The following ZNF385D variants were observed in gnomAD, a reference collection of about 807,000 sequenced individuals.
ZNF385D encodes zinc finger protein 385D, also known as zinc finger protein 659.
A neutral mutation model predicts 35.8 loss-of-function variants in ZNF385D; 15 were observed. The observed-to-expected ratio is 0.42, with a 90% CI of 0.28 to 0.64. The LOEUF (loss-of-function observed/expected upper bound fraction) is 0.64. Ranked by LOEUF, ZNF385D falls within the 30% of genes least tolerant of loss-of-function variation. The probability of loss-of-function intolerance (pLI) is 0.23; values close to 1 mark genes in which losing one functional copy is unlikely to be tolerated. For synonymous variants in ZNF385D, 212 were observed against 186.8 expected, an observed-to-expected ratio of 1.13 and a Z score of -1.10; for missense variants, 474 against 494.6, an observed-to-expected ratio of 0.96 and a Z score of 0.39.
intron 2 of ZNF385D, among the ~76,000 whole-genome samples, chr3:22,194,593 T>G (rs1696279718): frequency 6.6e-6 from 1 of 151,948 alleles, no homozygotes; most frequent in African/African-American, 2.4e-5. Context: ...TAAATTTGTG[T>G]AATCACCAAT....
intron 3 of ZNF385D, among the ~76,000 whole-genome samples, chr3:22,060,724 G>T (rs1183445898): frequency 1.3e-5 from 2 of 151,966 alleles, no homozygotes; most frequent in African/African-American, 2.4e-5. Context: ...ATATAATATA[G>T]ATTATTATTG....
chr3:21,954,169 C>T (rs957203502), intron 3 of ZNF385D, among the ~76,000 whole-genome samples: 2 of 151,754 alleles, frequency 1.3e-5, no homozygotes, highest in Admixed American at 6.6e-5. Context: ...GATTGCTTTG[C>T]TGTGTTAATA....
At chr3:22,309,912 G>A (rs1703444669) in intron 2 of ZNF385D, among the ~76,000 whole-genome samples, 1 of 151,934 alleles carries the variant, frequency 6.6e-6, no homozygotes, top group Non-Finnish European at 1.5e-5. Context: ...GACATTATAA[G>A]AGCCAAAGTA....
intron 3 of ZNF385D, among the ~76,000 whole-genome samples, chr3:21,996,549 T>C (rs191851862): frequency 6.6e-6 from 1 of 152,186 alleles, no homozygotes; most frequent in Non-Finnish European, 1.5e-5. Context: ...CATATTTTGA[T>C]AGAATAATCT....
intron 1 of ZNF385D, among the ~76,000 whole-genome samples, chr3:21,744,869 AAT>A (rs1170354809): frequency 6.7e-6 from 1 of 149,844 alleles, no homozygotes; most frequent in East Asian, 1.9e-4. Context: ...AAAAAATAAT[AAT>A]AAAAAAAGCT....
chr3:21,650,983 G>A (rs1439931849), intron 2 of ZNF385D, among the ~76,000 whole-genome samples: 2 of 151,916 alleles, frequency 1.3e-5, no homozygotes, highest in Non-Finnish European at 2.9e-5. Context: ...ACAATTTGAA[G>A]TCTTAAGAAA....
intron 3 of ZNF385D, among the ~76,000 whole-genome samples, chr3:22,142,999 C>A (rs1704610375): frequency 6.7e-6 from 1 of 150,140 alleles, no homozygotes. Flanking sequence ...CCTCTGGGGT[C>A]ATGAATGACA....
intron 3 of ZNF385D, among the ~76,000 whole-genome samples, chr3:21,537,491 C>G (rs1033994611): frequency 3.9e-5 from 6 of 152,066 alleles, no homozygotes; most frequent in African/African-American, 1.4e-4. Context: ...TAGTACAACC[C>G]TGTCTTACTC....
At position 21,559,893 on chromosome 3, in the gene ZNF385D, G is replaced by T. The variant is rs148869553; in HGVS notation, c.276+4681C>A. Among the ~76,000 whole-genome samples the T allele has an allele frequency of 4.1e-3, 627 of 151,792 alleles. 9 individuals carry two copies. The highest frequency in any genetic ancestry group is 0.014 in the African/African-American group (599 of 41,450). On this transcript the variant is annotated intron_variant, in intron 3 of 7. Coordinates refer to ENST00000281523, the MANE Select transcript of ZNF385D (RefSeq NM_024697.3). ...CTTTTTTCTCTAATCTTGTCTTCACGCTGTATTTAAGTTGATCTTCAAGCT... is the reference window on the plus strand; with the variant it reads ...CTTTTTTCTCTAATCTTGTCTTCACTCTGTATTTAAGTTGATCTTCAAGCT...
At chr3:21,714,193 T>A (rs1263535740) in intron 1 of ZNF385D, among the ~76,000 whole-genome samples, 1 of 126,020 alleles carries the variant, frequency 7.9e-6, no homozygotes, top group African/African-American at 3.4e-5. Flanking sequence ...CCCATGGTCA[T>A]TAACAGTAAG....
At chr3:21,910,329 G>A (rs897313347) in intron 3 of ZNF385D, among the ~76,000 whole-genome samples, 1 of 151,888 alleles carries the variant, frequency 6.6e-6, no homozygotes, top group Admixed American at 6.6e-5. Context: ...GAAATAGAGG[G>A]GAGGCAGTTG....
At chr3:21,907,040 A>G (rs1699718986) in intron 3 of ZNF385D, among the ~76,000 whole-genome samples, 1 of 152,130 alleles carries the variant, frequency 6.6e-6, no homozygotes, top group African/African-American at 2.4e-5. Context: ...ATCACTTTCT[A>G]GTGCTGGTAA....
chr3:21,448,850 C>T (rs1702292917), intron 4 of ZNF385D, among the ~76,000 whole-genome samples: 1 of 92,574 alleles, frequency 1.1e-5, no homozygotes, highest in Non-Finnish European at 2.2e-5. Context: ...TTCCAAACTA[C>T]AGCAAACTGC....
chr3:21,552,756 G>A (rs1026949861), intron 3 of ZNF385D, among the ~76,000 whole-genome samples: 2 of 152,202 alleles, frequency 1.3e-5, no homozygotes, highest in African/African-American at 4.8e-5. Flanking sequence ...ATCTGTGGTA[G>A]ACAGAATAAT....
chr3:21,861,595 C>A (rs768852487), intron 3 of ZNF385D, among the ~76,000 whole-genome samples: 1 of 152,068 alleles, frequency 6.6e-6, no homozygotes, highest in African/African-American at 2.4e-5. Context: ...GATTTTCAAA[C>A]CCTTGTTGAG....
chr3:21,869,402 C>A (rs1697564371), intron 3 of ZNF385D, among the ~76,000 whole-genome samples: 1 of 152,062 alleles, frequency 6.6e-6, no homozygotes, highest in Non-Finnish European at 1.5e-5. Context: ...TATCTTACAA[C>A]ATGTGATCCC....
chr3:22,119,105 C>G lies in ZNF385D; in HGVS notation c.325+49712G>C, dbSNP rs563138759. Reference sequence around the variant, plus strand: ...TAACTGTTCTACAGGGGCTACAAAGCCCAGGGATAGGACGTCCTGTGGTGC... The same window carrying G: ...TAACTGTTCTACAGGGGCTACAAAGGCCAGGGATAGGACGTCCTGTGGTGC... On this transcript the variant is annotated intron_variant, in intron 3 of 5. Coordinates refer to the ZNF385D transcript ENST00000494108. 2.6e-5 allele frequency among the ~76,000 whole-genome samples: 4 copies of G among 152,188 alleles called. No individual in the cohort carries two copies. In the East Asian group the frequency reaches 7.7e-4, roughly 29 times the overall value.
At chr3:21,545,020 CAT>C (rs2062323174) in intron 3 of ZNF385D, among the ~76,000 whole-genome samples, 1 of 152,128 alleles carries the variant, frequency 6.6e-6, no homozygotes. Context: ...ATAATGCTAA[CAT>C]ATGTTCGAAA....
intron 4 of ZNF385D, among the ~76,000 whole-genome samples, chr3:21,473,189 A>G (rs1559325791): frequency 6.6e-6 from 1 of 152,056 alleles, no homozygotes; most frequent in African/African-American, 2.4e-5. Context: ...TGCTTGTCAC[A>G]GTTTGCAAAA....
Sources: allele counts gnomAD v4.1 joint callset (sites outside exome capture counted in the v4.1 genomes callset), GRCh38; gene constraint gnomAD v4.1.1; transcripts MANE v1.5; gene names NCBI Gene and HGNC (gene_info 2026-07-23, HGNC 2026-07-21).